CNBD1: variants seen among roughly 807,000 people sequenced by gnomAD.
CNBD1 encodes cyclic nucleotide binding domain containing 1.
CNBD1 carries 71 observed loss-of-function variants against 54.4 expected under a neutral mutation model. The observed-to-expected ratio is 1.30, with a 90% confidence interval of 1.08 to 1.59. The LOEUF (loss-of-function observed/expected upper bound fraction) is 1.59. Ranked by LOEUF, CNBD1 falls within the 40% of genes most tolerant of loss-of-function variation. The probability of loss-of-function intolerance (pLI) is 0.00; values close to 1 mark genes in which losing one functional copy is unlikely to be tolerated. For missense variants in CNBD1, 659 were observed against 518.0 expected (o/e 1.27, Z -2.64); for synonymous variants, 182 against 170.7 (o/e 1.07, Z -0.51).
At chr8:86,893,294 G>T (rs1462709963) in intron 2 of CNBD1, among the ~76,000 whole-genome samples, 1 of 152,154 alleles carries the variant, frequency 6.6e-6, no homozygotes, top group Non-Finnish European at 1.5e-5. Context: ...TCTACCTAGG[G>T]CAGTACCTTC....
At position 87,015,735 on chromosome 8, in the gene CNBD1, T is replaced by A. The variant is rs563344332; in HGVS notation, c.431+75981T>A. Among the ~76,000 whole-genome samples, 37 of 152,056 alleles carry A rather than the reference T, an allele frequency of 2.4e-4. 1 individual carries two copies. The highest frequency in any genetic ancestry group is 8.9e-4 in the African/African-American group (37 of 41,494). Reference sequence around the variant, plus strand: ...TGGCTCACGCCTGTAATCCCAGCACTTTGGGAGGCCGAGGCGGGTGGATCA... The same window carrying A: ...TGGCTCACGCCTGTAATCCCAGCACATTGGGAGGCCGAGGCGGGTGGATCA... On this transcript the variant is annotated intron_variant, in intron 4 of 10. Coordinates refer to ENST00000518476, the MANE Select transcript of CNBD1 (RefSeq NM_173538.3).
intron 4 of CNBD1, among the ~76,000 whole-genome samples, chr8:87,169,889 G>C (rs1028142078): frequency 6.6e-6 from 1 of 152,014 alleles, no homozygotes; most frequent in South Asian, 2.1e-4. Context: ...GGCTATTGTA[G>C]GTCTTTTTGT....
At chr8:87,365,414 T>C (rs915404753) in intron 10 of CNBD1, among the ~76,000 whole-genome samples, 6 of 152,056 alleles carry the variant, frequency 3.9e-5, no homozygotes, top group African/African-American at 7.2e-5. Context: ...GTCAGATGTG[T>C]AGTTAGACCA....
At chr8:87,328,036 G>A (rs1809722947) in intron 8 of CNBD1, among the ~76,000 whole-genome samples, 2 of 151,652 alleles carry the variant, frequency 1.3e-5, no homozygotes, top group South Asian at 2.1e-4. Context: ...TGTTCCATAG[G>A]TATATATATA....
intron 1 of CNBD1, among the ~76,000 whole-genome samples, chr8:86,880,899 A>G (rs1169767631): frequency 6.6e-6 from 1 of 152,248 alleles, no homozygotes; most frequent in Non-Finnish European, 1.5e-5. Context: ...ATGATTCATC[A>G]CATAAACAGA....
At chr8:86,886,630 A>G (rs1445464839) in intron 1 of CNBD1, among the ~76,000 whole-genome samples, 1 of 152,208 alleles carries the variant, frequency 6.6e-6, no homozygotes, top group Non-Finnish European at 1.5e-5. Context: ...TGATTCAGAA[A>G]ACTAGAAGTA....
At chr8:87,286,714 A>G (rs1487592036) in intron 8 of CNBD1, 43 bp downstream of exon 8, 1 of 1,352,614 alleles carries the variant, frequency 7.4e-7, no homozygotes, top group South Asian at 1.3e-5. Context: ...GCATTCTGTT[A>G]TATTATTGGA....
chr8:86,945,265 C>G (rs922779940), intron 4 of CNBD1, among the ~76,000 whole-genome samples: 1 of 152,032 alleles, frequency 6.6e-6, no homozygotes, highest in Non-Finnish European at 1.5e-5. Context: ...AAACTTGGCC[C>G]GATTGTTTTT....
intron 8 of CNBD1, among the ~76,000 whole-genome samples, chr8:87,309,271 A>C (rs1736898509): frequency 6.6e-6 from 1 of 152,148 alleles, no homozygotes; most frequent in African/African-American, 2.4e-5. Context: ...TGTAATAGCC[A>C]TTAAAACTAG....
At chr8:87,264,003 T>C (rs941464544) in intron 6 of CNBD1, among the ~76,000 whole-genome samples, 12 of 152,120 alleles carry the variant, frequency 7.9e-5, no homozygotes, top group Non-Finnish European at 1.8e-4. Context: ...TTTTATTTTA[T>C]TTTTTTATTA....
At chr8:87,186,011 T>G (rs1813468064) in intron 4 of CNBD1, among the ~76,000 whole-genome samples, 1 of 152,172 alleles carries the variant, frequency 6.6e-6, no homozygotes, top group South Asian at 2.1e-4. Flanking sequence ...AGGTTTACTG[T>G]TTGTCTTTGC....
rs146143479 is a variant in CNBD1, at chr8:87,087,260, T to C, written c.432-118733T>C. The stretch of plus-strand genomic sequence containing the variant: ...ATATATATATACGTATATATATATA[T>C]ACATATATATATACGTATATATATA... On this transcript the variant is annotated intron_variant, in intron 4 of 10. Transcript: ENST00000518476. Among the ~76,000 whole-genome samples, 845 of 140,870 alleles carry C rather than the reference T, an allele frequency of 6.0e-3. 6 individuals are homozygous for C. Among genetic ancestry groups the C allele is most frequent in the African/African-American group, 0.02 (722 of 36,322 alleles). 92.4% of individuals were successfully genotyped at this position (140,870 alleles called of 152,430 possible). A position where few individuals can be genotyped will look rare whatever the true frequency, so the allele number is the denominator to read the frequency against.
At chr8:87,387,341 G>A (rs2130965432), downstream of CNBD1, among the ~76,000 whole-genome samples, 1 of 152,074 alleles carries the variant, frequency 6.6e-6, no homozygotes, top group Middle Eastern at 3.4e-3. Context: ...ACCCATCAAT[G>A]TGCTGTATTC....
chr8:87,307,979 A>G (rs1809192523), intron 8 of CNBD1, among the ~76,000 whole-genome samples: 2 of 152,040 alleles, frequency 1.3e-5, no homozygotes, highest in Non-Finnish European at 2.9e-5. Context: ...GTATTTTCCA[A>G]TCCTTTGTTC....
At chr8:86,998,573 C>G (rs1808929361) in intron 4 of CNBD1, among the ~76,000 whole-genome samples, 1 of 152,116 alleles carries the variant, frequency 6.6e-6, no homozygotes, top group Non-Finnish European at 1.5e-5. Context: ...ATCCACAAAT[C>G]ACTGTGAAAA....
At chr8:87,084,413 C>G (rs1402374995) in intron 4 of CNBD1, among the ~76,000 whole-genome samples, 1 of 152,080 alleles carries the variant, frequency 6.6e-6, no homozygotes, top group Non-Finnish European at 1.5e-5. Context: ...TTATGTTTAA[C>G]CTTTGTTTCT....
chr8:87,211,689 TCTC>T (rs1352815845), intron 5 of CNBD1, among the ~76,000 whole-genome samples: 6 of 152,122 alleles, frequency 3.9e-5, no homozygotes, highest in African/African-American at 1.4e-4. Context: ...ATGAGTAAAA[TCTC>T]CTTGAGGCTT....
At chr8:87,383,826 A>G (rs13265042), downstream of CNBD1, among the ~76,000 whole-genome samples, 60,641 of 151,876 alleles carry the variant, frequency 0.4, 12,369 homozygotes, top group Middle Eastern at 0.46. Flanking sequence ...CTTCTCCAGC[A>G]CCATGCTCCA....
chr8:87,387,461 C>T (rs1382296054), downstream of CNBD1, among the ~76,000 whole-genome samples: 1 of 152,128 alleles, frequency 6.6e-6, no homozygotes, highest in African/African-American at 2.4e-5. Context: ...CAACTCTAGT[C>T]TCTGATAAAA....
Sources: gnomAD v4.1 joint callset for allele counts (sites outside exome capture counted in the v4.1 genomes callset) on GRCh38, gnomAD v4.1.1 for gene constraint, MANE v1.5 for transcripts, NCBI Gene and HGNC (gene_info 2026-07-23, HGNC 2026-07-21) for gene names.